Variants in ADCY3 observed in about 807,000 individuals in gnomAD.
ADCY3 encodes the protein adenylate cyclase type 3.
A neutral mutation model predicts 119.4 loss-of-function variants in ADCY3; 70 were observed. That is an observed-to-expected ratio of 0.59 (90% CI 0.48 to 0.72). ADCY3 has a LOEUF of 0.72. Among genes scored for constraint, ADCY3 ranks in the 30% least tolerant of loss-of-function variants. ADCY3 has a pLI of 0.00. For missense variants in ADCY3, 1,238 were observed against 1,541.6 expected (o/e 0.80, Z 3.30); for synonymous variants, 672 against 621.4 (o/e 1.08, Z -1.21).
rs754839463 is a variant in ADCY3, at chr2:24,823,254, A to T, written c.2838T>A (p.Ile946=). 9 of 1,613,566 alleles carry T rather than the reference A, an allele frequency of 5.6e-6. No homozygotes were observed. Among genetic ancestry groups the T allele is most frequent in the Middle Eastern group, 1.7e-4 (1 of 5,868 alleles). The part of the protein sequence containing the change: ...YTEESINNGG[I]ECLRFLNEII... Reference sequence around the variant, plus strand: ...TTTCATTGAGGAAACGCAGACACTCAATACCACCATTGTTGATGCTCTCCT... The same window carrying T: ...TTTCATTGAGGAAACGCAGACACTCTATACCACCATTGTTGATGCTCTCCT... Residue 946 remains isoleucine (I), a synonymous_variant, in exon 18 of 22, where the codon ATT becomes ATA. Coordinates refer to ENST00000679454, the MANE Select transcript of ADCY3 (RefSeq NM_004036.5).
intron 16 of ADCY3, 64 bp from the exon 17 acceptor site, chr2:24,824,600 CAG>C: frequency 6.4e-7 from 1 of 1,564,722 alleles, no homozygotes; most frequent in Admixed American, 1.7e-5. Context: ...GGATGAAAAA[CAG>C]GAATGGCCAG....
intron 2 of ADCY3, among the ~76,000 whole-genome samples, chr2:24,882,157 C>A (rs1346635102): frequency 6.6e-6 from 1 of 152,144 alleles, no homozygotes; most frequent in African/African-American, 2.4e-5. Flanking sequence ...ACTTACTGAA[C>A]ATAAAGACAC....
At chr2:24,885,329 G>A (rs750634141) in intron 2 of ADCY3, among the ~76,000 whole-genome samples, 3 of 152,206 alleles carry the variant, frequency 2.0e-5, no homozygotes, top group African/African-American at 7.2e-5. Flanking sequence ...GAGACCTTAT[G>A]GCGGGACCAG....
intron 2 of ADCY3, among the ~76,000 whole-genome samples, chr2:24,880,515 CAT>C (rs1462574271): frequency 4.6e-5 from 7 of 152,232 alleles, no homozygotes; most frequent in African/African-American, 1.7e-4. Flanking sequence ...TGGAGGTCCA[CAT>C]GTTATGACGA....
At chr2:24,833,045 T>TA (rs751637674) in intron 11 of ADCY3, among the ~76,000 whole-genome samples, 1 of 152,304 alleles carries the variant, frequency 6.6e-6, no homozygotes, top group East Asian at 1.9e-4. Flanking sequence ...CAACCACTGA[T>TA]CCTCCTCTAT....
chr2:24,856,868 T>G (rs1436116814), intron 3 of ADCY3, among the ~76,000 whole-genome samples: 1 of 151,842 alleles, frequency 6.6e-6, no homozygotes, highest in Non-Finnish European at 1.5e-5. Flanking sequence ...AGGGCAGGAG[T>G]GCTTCACAGT....
chr2:24,836,785 C>T (rs111228457), intron 9 of ADCY3, 132 bp downstream of exon 9: 10 of 1,361,072 alleles, frequency 7.3e-6, no homozygotes, highest in Non-Finnish European at 8.8e-6. Context: ...GGTTACAGTG[C>T]TAAGCAGGAG....
intron 2 of ADCY3, among the ~76,000 whole-genome samples, chr2:24,910,087 T>C (rs1573056512): frequency 6.6e-6 from 1 of 152,278 alleles, no homozygotes; most frequent in South Asian, 2.1e-4. Flanking sequence ...ATGCTGCAGG[T>C]GAATGAAACA....
At chr2:24,835,908 C>T (rs965531694) in intron 9 of ADCY3, among the ~76,000 whole-genome samples, 1 of 149,588 alleles carries the variant, frequency 6.7e-6, no homozygotes, top group African/African-American at 2.5e-5. Context: ...TGCACTCCAG[C>T]CTGGGTGACA....
intron 11 of ADCY3, among the ~76,000 whole-genome samples, chr2:24,832,421 T>C (rs1302837395): frequency 6.6e-6 from 1 of 152,128 alleles, no homozygotes; most frequent in African/African-American, 2.4e-5. Flanking sequence ...AGAGTCTGCC[T>C]GTGACAGCCA....
At chr2:24,892,714 C>A (rs988959398) in intron 2 of ADCY3, among the ~76,000 whole-genome samples, 5 of 152,216 alleles carry the variant, frequency 3.3e-5, no homozygotes, top group African/African-American at 9.6e-5. Flanking sequence ...ATTATGATGT[C>A]TTTTGATGAA....
Position 24,826,357 on chromosome 2 carries a change from G to C in ADCY3, c.2496-231C>G, listed in dbSNP as rs369805152. On this transcript the variant is annotated intron_variant, in intron 15 of 21. Coordinates refer to ENST00000679454, the MANE Select transcript of ADCY3 (RefSeq NM_004036.5). ...CCCTGGCCCCTCCTGGCTGCACCTG[G>C]TATTCACATCAGGGCTGCTCCCCAG... The C allele has an allele frequency of 1.3e-5, 7 of 527,988 alleles. No individual in the cohort carries two copies. The Admixed American group carries it at 2.0e-4, about 15-fold the overall frequency. 32.7% of individuals were successfully genotyped at this position (527,988 alleles called of 1,614,324 possible).
chr2:24,819,798 C>A lies in ADCY3; in HGVS notation c.*134G>T, dbSNP rs1667268675. On this transcript the variant is annotated 3_prime_UTR_variant, in exon 22 of 22. Coordinates refer to ENST00000679454, the MANE Select transcript of ADCY3 (RefSeq NM_004036.5). ...CCCTCAGAGCTCACACATCCACGAA[C>A]AAATGAAGGCTGAGGAGGTTTCTAA... 1.0e-6 allele frequency: 1 copy of A among 958,436 alleles called. No homozygotes were observed. The allele number at this position is 958,436 out of a possible 1,614,324, so 59.4% of individuals were successfully genotyped here. A position where few individuals can be genotyped will look rare whatever the true frequency, so the allele number is the denominator to read the frequency against.
intron 2 of ADCY3, among the ~76,000 whole-genome samples, chr2:24,879,085 G>A (rs1431986868): frequency 6.6e-6 from 1 of 152,138 alleles, no homozygotes; most frequent in African/African-American, 2.4e-5. Context: ...ACCTGCACAC[G>A]GCTGCCCGCA....
chr2:24,887,745 T>C (rs1266868174), intron 2 of ADCY3, among the ~76,000 whole-genome samples: 1 of 152,142 alleles, frequency 6.6e-6, no homozygotes, highest in South Asian at 2.1e-4. Context: ...ATCATGGGCC[T>C]GGGCCTTGGA....
chr2:24,842,304 C>T lies in ADCY3; in HGVS notation c.906G>A (p.Lys302=), dbSNP rs527318216. The T allele has an allele frequency of 1.2e-6, 2 of 1,614,160 alleles. No homozygotes were observed. The highest frequency in any genetic ancestry group is 1.7e-5 in the Admixed American group (1 of 60,028). Reference sequence around the variant, plus strand: ...ACATGGTGTTGAACTGCTGCTGGTCCTTCTGGCTCTCGTCTTTCTTCATGT... The same window carrying T: ...ACATGGTGTTGAACTGCTGCTGGTCTTTCTGGCTCTCGTCTTTCTTCATGT... ...LKDMKKDESQ[K]DQQQFNTMYM... Residue 302 remains lysine (K), a synonymous_variant, in exon 4 of 22, where the codon AAG becomes AAA. Transcript: ENST00000679454. The surrounding 1 kb of genome is among the most constrained non-coding windows in gnomAD (Gnocchi z 4.9).
At chr2:24,825,527 G>C in intron 16 of ADCY3, 1 of 156,238 alleles carries the variant, frequency 6.4e-6, no homozygotes, top group Non-Finnish European at 1.4e-5. Context: ...GTAGAGACAG[G>C]GTTTCACCAT....
At chr2:24,891,254 G>A (rs1677620997) in intron 2 of ADCY3, among the ~76,000 whole-genome samples, 1 of 152,142 alleles carries the variant, frequency 6.6e-6, no homozygotes, top group African/African-American at 2.4e-5. Context: ...GTCAATCACA[G>A]TCCAAAAATA....
intron 12 of ADCY3, 43 bp from the exon 13 acceptor site, chr2:24,830,868 C>T (rs1669394494): frequency 6.6e-7 from 1 of 1,508,718 alleles, no homozygotes; most frequent in Admixed American, 1.7e-5. Context: ...CTTTGCCAGT[C>T]CTTTCTCCTG....
Sources: allele counts gnomAD v4.1 joint callset (sites outside exome capture counted in the v4.1 genomes callset), GRCh38; gene constraint gnomAD v4.1.1; non-coding constraint Gnocchi (gnomAD v3.1); transcripts MANE v1.5; gene names NCBI Gene and HGNC (gene_info 2026-07-23, HGNC 2026-07-21).